ISM1: variants seen among roughly 807,000 people sequenced by gnomAD.
ISM1 encodes the protein isthmin-1.
A neutral mutation model predicts 46.3 loss-of-function variants in ISM1; 25 were observed. That is an observed-to-expected ratio of 0.54 (90% CI 0.39 to 0.75). The LOEUF is 0.75. ISM1 is among the 30% of genes least tolerant of loss of function. The pLI is 0.00. For missense variants in ISM1, 536 were observed against 625.4 expected, an observed-to-expected ratio of 0.86 and a Z score of 1.52; for synonymous variants, 255 against 256.7, an observed-to-expected ratio of 0.99 and a Z score of 0.06.
At chr20:13,296,540 G>A (rs1429131907) in intron 5 of ISM1, among the ~76,000 whole-genome samples, 1 of 152,192 alleles carries the variant, frequency 6.6e-6, no homozygotes, top group Non-Finnish European at 1.5e-5. Context: ...TTATAGAGAA[G>A]TAAATAAGGG....
At chr20:13,322,026 G>C in the ISM1 span, among the ~76,000 whole-genome samples, 4 of 152,314 alleles carry the variant, frequency 2.6e-5, no homozygotes, top group East Asian at 7.7e-4. Flanking sequence ...TTATATTATG[G>C]AAATTGTGCA....
At chr20:13,313,128 T>G in the ISM1 span, among the ~76,000 whole-genome samples, 1 of 152,164 alleles carries the variant, frequency 6.6e-6, no homozygotes. Flanking sequence ...CGCATCCAGG[T>G]CTGCCCACAG....
chr20:13,237,336 A>T (rs2039663042), intron 1 of ISM1, among the ~76,000 whole-genome samples: 2 of 152,182 alleles, frequency 1.3e-5, no homozygotes, highest in Non-Finnish European at 2.9e-5. Flanking sequence ...CCTTGAAACA[A>T]CCCCAATGCC....
intron 5 of ISM1, among the ~76,000 whole-genome samples, chr20:13,293,913 G>C (rs2040380325): frequency 6.6e-6 from 1 of 152,024 alleles, no homozygotes; most frequent in African/African-American, 2.4e-5. Context: ...GGTGGAGGTT[G>C]CAGTGAGTCG....
intron 3 of ISM1, among the ~76,000 whole-genome samples, chr20:13,286,688 T>C (rs1238033907): frequency 6.6e-5 from 10 of 152,156 alleles, no homozygotes; most frequent in African/African-American, 1.7e-4. Flanking sequence ...TTCCACTTAG[T>C]GGACTGAGGA....
At chr20:13,298,109 A>G (rs1356183800) in intron 5 of ISM1, among the ~76,000 whole-genome samples, 4 of 151,724 alleles carry the variant, frequency 2.6e-5, no homozygotes, top group Non-Finnish European at 5.9e-5. Flanking sequence ...TTATTGATTT[A>G]TTTATTTGTT....
chr20:13,295,023 T>C (rs2040393212), intron 5 of ISM1, among the ~76,000 whole-genome samples: 1 of 152,122 alleles, frequency 6.6e-6, no homozygotes, highest in African/African-American at 2.4e-5. Context: ...CCTCGTTCTA[T>C]TGATGAGTGC....
Position 13,293,649 on chromosome 20 carries a change from C to A in ISM1, c.877+1186C>A, listed in dbSNP as rs1011923318. 3.3e-5 allele frequency among the ~76,000 whole-genome samples: 5 copies of A among 152,168 alleles called. No homozygotes were observed. In the East Asian group the frequency reaches 7.7e-4, roughly 23 times the overall value. Reference sequence around the variant, plus strand: ...TAAAAGGAAAGACAAATAAGAAAGTCTGGAGGAAAATAATGGTCCAGCACT... The same window carrying A: ...TAAAAGGAAAGACAAATAAGAAAGTATGGAGGAAAATAATGGTCCAGCACT... On this transcript the variant is annotated intron_variant, in intron 5 of 5. Coordinates refer to ENST00000262487, the MANE Select transcript of ISM1 (RefSeq NM_080826.2).
the ISM1 span, among the ~76,000 whole-genome samples, chr20:13,318,395 T>C: frequency 6.6e-6 from 1 of 152,194 alleles, no homozygotes; most frequent in Admixed American, 6.5e-5. Flanking sequence ...CAAAATGGCG[T>C]GACCACTTTG....
chr20:13,303,489 T>G (rs775614690), downstream of ISM1, among the ~76,000 whole-genome samples: 2 of 152,216 alleles, frequency 1.3e-5, no homozygotes, highest in African/African-American at 4.8e-5. Flanking sequence ...ATAAGCCCTG[T>G]GCTAACTGCT....
chr20:13,306,564 CAAAAA>C, the ISM1 span, among the ~76,000 whole-genome samples: 91 of 63,908 alleles, frequency 1.4e-3, no homozygotes, highest in African/African-American at 3.6e-3. Flanking sequence ...GGAGAAAGGA[CAAAAA>C]AAAAAAAAAA....
downstream of ISM1, among the ~76,000 whole-genome samples, chr20:13,301,979 G>T (rs954502543): frequency 1.3e-5 from 2 of 152,160 alleles, no homozygotes; most frequent in Non-Finnish European, 1.5e-5. Context: ...AAGGGGAAGT[G>T]GGTGTATTTG....
the ISM1 span, among the ~76,000 whole-genome samples, chr20:13,313,966 A>G: frequency 2.0e-5 from 3 of 152,230 alleles, no homozygotes; most frequent in African/African-American, 4.8e-5. Flanking sequence ...GATGCTAAAG[A>G]TCAAAAACAT....
intron 1 of ISM1, among the ~76,000 whole-genome samples, chr20:13,261,539 A>G (rs2039989926): frequency 1.3e-5 from 2 of 152,296 alleles, no homozygotes; most frequent in South Asian, 4.1e-4. Context: ...GTCTACCATA[A>G]GTGCAGAGGT....
intron 1 of ISM1, among the ~76,000 whole-genome samples, chr20:13,270,032 A>T (rs542457517): frequency 5.9e-5 from 9 of 152,294 alleles, no homozygotes; most frequent in Admixed American, 3.9e-4. Context: ...GGATGAATGT[A>T]TGTAATGAAT....
At chr20:13,311,173 A>G in the ISM1 span, among the ~76,000 whole-genome samples, 1 of 152,000 alleles carries the variant, frequency 6.6e-6, no homozygotes, top group East Asian at 1.9e-4. Context: ...CAGCCTGGGC[A>G]ACAAGAGTGA....
At chr20:13,280,706 G>GT (rs1327602450) in intron 3 of ISM1, among the ~76,000 whole-genome samples, 1 of 152,178 alleles carries the variant, frequency 6.6e-6, no homozygotes, top group Non-Finnish European at 1.5e-5. Flanking sequence ...CAGCCTGGAG[G>GT]TGACACACAT....
intron 5 of ISM1, among the ~76,000 whole-genome samples, chr20:13,293,245 G>A (rs1367007489): frequency 1.3e-5 from 2 of 151,252 alleles, no homozygotes; most frequent in African/African-American, 4.9e-5. Context: ...ATAAACCTTT[G>A]GTACAGTTTG....
chr20:13,315,305 C>T, the ISM1 span, among the ~76,000 whole-genome samples: 1 of 151,942 alleles, frequency 6.6e-6, no homozygotes, highest in Non-Finnish European at 1.5e-5. Context: ...ACAAGGAATC[C>T]ACTTTAAATA....
Sources: allele counts gnomAD v4.1 joint callset (sites outside exome capture counted in the v4.1 genomes callset), GRCh38; gene constraint gnomAD v4.1.1; transcripts MANE v1.5; gene names NCBI Gene and HGNC (gene_info 2026-07-23, HGNC 2026-07-21).